Variants in PKD1L1 observed in about 807,000 individuals in gnomAD.
The protein encoded by PKD1L1 is polycystin-1-like protein 1.
Under a neutral mutation model 323.4 loss-of-function variants are expected in PKD1L1, and 236 were observed. The ratio of observed to expected loss-of-function variants is 0.73; its 90% CI spans 0.66 to 0.81. The LOEUF is 0.81. Ranked by LOEUF, PKD1L1 falls within the 40% of genes least tolerant of loss-of-function variation. PKD1L1 has a pLI of 0.00. For synonymous variants in PKD1L1, 1,344 were observed against 1,335.0 expected (o/e 1.01, Z -0.15); for missense variants, 3,320 against 3,508.0 (o/e 0.95, Z 1.35).
intron 56 of PKD1L1, among the ~76,000 whole-genome samples, chr7:47,786,844 T>G (rs1277017242): frequency 5.9e-5 from 9 of 151,794 alleles, no homozygotes. Context: ...CTCTTCGGGG[T>G]CCAAGGCTAC....
At chr7:47,949,368 C>CAAAAAAAAAAAA (rs58131581), upstream of PKD1L1, among the ~76,000 whole-genome samples, 3,340 of 57,004 alleles carry the variant, frequency 0.059, 809 homozygotes, top group Non-Finnish European at 0.071. Context: ...GGCTCTGTCT[C>CAAAAAAAAAAAA]AAAAAAAAAA....
chr7:47,937,588 AG>A (rs1787896574), intron 3 of PKD1L1, among the ~76,000 whole-genome samples: 1 of 152,162 alleles, frequency 6.6e-6, no homozygotes, highest in East Asian at 1.9e-4. Context: ...GCGGTACTGA[AG>A]AGAGCCTGGC....
In PKD1L1 at chr7:47,929,214, C is replaced by T; in HGVS notation, c.1050G>A (p.Gln350=). Residue 350 remains glutamine, a synonymous_variant, in exon 7 of 57, where the codon CAG becomes CAA. Coordinates refer to ENST00000289672, the MANE Select transcript of PKD1L1 (RefSeq NM_138295.5). ...CACCATGCACCTTACCTTTTGAGTA[C>T]TGGTGGTAGGCAGTCACCGCCATTG... is the stretch of plus-strand genomic sequence containing the variant. ...SEAMAVTAYH[Q]YSKGIFFHLL... 1 of 1,613,794 alleles carries T rather than the reference C, an allele frequency of 6.2e-7. No individual in the cohort carries two copies.
chr7:47,827,265 C>CTG (rs1785255213), intron 45 of PKD1L1, 85 bp downstream of exon 45: 32 of 1,215,024 alleles, frequency 2.6e-5, no homozygotes, highest in Non-Finnish European at 3.6e-5. Flanking sequence ...GAACAATCTC[C>CTG]CAGGAGGACC....
At chr7:47,803,091 TG>T in intron 53 of PKD1L1, 118 bp downstream of exon 53, 1 of 1,269,584 alleles carries the variant, frequency 7.9e-7, no homozygotes, top group Admixed American at 2.1e-5. Context: ...ATTAGAAGAC[TG>T]GAATTCTAGA....
At chr7:47,837,833 C>G (rs1361542699) in intron 36 of PKD1L1, among the ~76,000 whole-genome samples, 1 of 152,206 alleles carries the variant, frequency 6.6e-6, no homozygotes, top group East Asian at 1.9e-4. Flanking sequence ...ATATACAGAA[C>G]TGCTCTTATG....
chr7:47,945,353 C>A (rs953816477), intron 1 of PKD1L1, among the ~76,000 whole-genome samples: 2 of 152,060 alleles, frequency 1.3e-5, no homozygotes, highest in African/African-American at 4.8e-5. Flanking sequence ...ATAGTTTCAC[C>A]CAATTTTTAC....
intron 56 of PKD1L1, among the ~76,000 whole-genome samples, chr7:47,784,635 C>G (rs111567839): frequency 3.7e-4 from 56 of 151,934 alleles, no homozygotes; most frequent in Non-Finnish European, 7.4e-4. Flanking sequence ...ATTATGCCCG[C>G]TAATTTTTTG....
In PKD1L1 at chr7:47,835,008, T is replaced by C. The variant is rs1437254043; in HGVS notation, c.6086A>G (p.His2029Arg). The stretch of plus-strand genomic sequence containing the variant: ...CTGTGCTCCTCCTCTAAGTGGGCTG[T>C]GTGGCTCCACTCGGGCAGACCCCGG... ...EAPGSARVEP[H>R]SPLRGGAQTE... is the part of the protein sequence containing the mutation. Residue 2029 changes from histidine (H) to arginine (R), a missense_variant, in exon 39 of 57, where the codon CAC becomes CGC. His to Arg is a conservative substitution (Grantham distance 29). Transcript: ENST00000289672. 6.2e-7 allele frequency: 1 copy of C among 1,613,834 alleles called. No individual in the cohort carries two copies. The highest frequency in any genetic ancestry group is 8.5e-7 in the Non-Finnish European group (1 of 1,179,888).
chr7:47,960,353 C>A, the PKD1L1 span, among the ~76,000 whole-genome samples: 2 of 83,068 alleles, frequency 2.4e-5, no homozygotes, highest in Non-Finnish European at 4.6e-5. Context: ...GAGAAACACC[C>A]AAGAATGATC....
At chr7:47,807,543 A>G (rs1784806124) in intron 52 of PKD1L1, among the ~76,000 whole-genome samples, 1 of 152,098 alleles carries the variant, frequency 6.6e-6, no homozygotes, top group Admixed American at 6.5e-5. Flanking sequence ...CAAGGGGGTT[A>G]GGGAGGGGCT....
At chr7:47,926,666 A>G (rs1562993387) in intron 7 of PKD1L1, among the ~76,000 whole-genome samples, 2 of 152,204 alleles carry the variant, frequency 1.3e-5, no homozygotes, top group Non-Finnish European at 2.9e-5. Context: ...TCATGTGGAA[A>G]AAGGAACAAG....
intron 26 of PKD1L1, among the ~76,000 whole-genome samples, chr7:47,864,703 T>G (rs1377792682): frequency 1.2e-5 from 1 of 85,064 alleles, no homozygotes; most frequent in East Asian, 3.8e-4. Flanking sequence ...CTCCCCTCCC[T>G]TCCCTTCCCT....
At chr7:47,931,419 C>T in intron 5 of PKD1L1, 98 bp from the exon 6 acceptor site, 1 of 1,270,354 alleles carries the variant, frequency 7.9e-7, no homozygotes, top group East Asian at 2.5e-5. Flanking sequence ...TAACAAACAG[C>T]CCCACTGCTA....
intron 8 of PKD1L1, among the ~76,000 whole-genome samples, chr7:47,914,398 G>C (rs1787385683): frequency 6.6e-6 from 1 of 152,004 alleles, no homozygotes; most frequent in Non-Finnish European, 1.5e-5. Context: ...GAAACATCTA[G>C]GACAGTGATT....
At chr7:47,870,082 G>A (rs761854088) in intron 24 of PKD1L1, among the ~76,000 whole-genome samples, 1 of 152,128 alleles carries the variant, frequency 6.6e-6, no homozygotes, top group Non-Finnish European at 1.5e-5. Flanking sequence ...CACATTGGAT[G>A]CAGCTAAATC....
chr7:47,820,274 A>G (rs2128732193), intron 46 of PKD1L1, among the ~76,000 whole-genome samples: 1 of 152,354 alleles, frequency 6.6e-6, no homozygotes, highest in Admixed American at 6.5e-5. Context: ...ACAAAATGCT[A>G]TCATGCTTGC....
rs1298800226 is a variant in PKD1L1 at position 47,840,940 on chromosome 7, GA to G, written c.5446-374del. Among the ~76,000 whole-genome samples the G allele has an allele frequency of 6.6e-6, 1 of 152,212 alleles. No individual in the cohort carries two copies. Among genetic ancestry groups the G allele is most frequent in the Non-Finnish European group, 1.5e-5 (1 of 68,034 alleles). ...GGCAGGGAGATGCCAGAGGAGCCTG[GA>G]CGCAGAGTAGGGTACCCATGCACCT... On this transcript the variant is annotated intron_variant, in intron 34 of 56. Transcript: ENST00000289672. The surrounding 1 kb of genome is among the most constrained non-coding windows in gnomAD (Gnocchi z 4.1).
At chr7:47,845,968 A>C (rs1206881315) in intron 32 of PKD1L1, among the ~76,000 whole-genome samples, 2 of 152,236 alleles carry the variant, frequency 1.3e-5, no homozygotes, top group Non-Finnish European at 2.9e-5. Flanking sequence ...GCATTAATGC[A>C]TTTATCAATA....
Sources: allele counts gnomAD v4.1 joint callset (sites outside exome capture counted in the v4.1 genomes callset), GRCh38; gene constraint gnomAD v4.1.1; non-coding constraint Gnocchi (gnomAD v3.1); transcripts MANE v1.5; gene names NCBI Gene and HGNC (gene_info 2026-07-23, HGNC 2026-07-21).